The following POM121 variants were observed in gnomAD, a reference collection of about 807,000 sequenced individuals.
The protein encoded by POM121 is POM121 transmembrane nucleoporin, also known as nuclear envelope pore membrane protein POM 121.
POM121 carries 32 observed loss-of-function variants against 81.3 expected under a neutral mutation model. The ratio of observed to expected loss-of-function variants is 0.39; its 90% confidence interval spans 0.30 to 0.53. The LOEUF is 0.53. POM121 is among the 20% of genes least tolerant of loss of function. POM121 has a pLI of 0.66. For synonymous variants in POM121, 514 were observed against 694.2 expected, an observed-to-expected ratio of 0.74 and a Z score of 4.08; for missense variants, 1,138 against 1,614.6, an observed-to-expected ratio of 0.70 and a Z score of 5.06.
At chr7:72,906,875 C>T (rs188597835) in intron 3 of POM121, among the ~76,000 whole-genome samples, 5 of 151,928 alleles carry the variant, frequency 3.3e-5, no homozygotes, top group East Asian at 3.9e-4. Context: ...TGATTCCCCC[C>T]GCCTCGGCCC....
rs782359852 is a variant in POM121 at position 72,930,125 on chromosome 7, T to A, written c.1275+14T>A. The A allele has an allele frequency of 6.9e-5, 109 of 1,589,622 alleles. 2 individuals are homozygous for A. In the South Asian group the frequency reaches 1.1e-3, roughly 17 times the overall value. ...GGCATCTCACAGGTACAAGTACAGCTCTTTTAATGTGGGGGACATGAATTC... is the reference window on the plus strand; with the variant it reads ...GGCATCTCACAGGTACAAGTACAGCACTTTTAATGTGGGGGACATGAATTC... On this transcript the variant is annotated intron_variant, in intron 5 of 12. Coordinates refer to ENST00000434423, the MANE Select transcript of POM121 (RefSeq NM_001387691.1).
chr7:72,949,560 CACAG>C (rs1234358425), downstream of POM121: 3 of 721,690 alleles, frequency 4.2e-6, no homozygotes, highest in South Asian at 1.7e-5. Flanking sequence ...TCACAGCTGA[CACAG>C]ACAACCAGAA....
Position 72,943,023 on chromosome 7 carries a change from A to T in POM121, c.3030A>T (p.Ala1010=), listed in dbSNP as rs1423982581. The change falls in exon 11 of 13, where the codon GCA becomes GCT. Residue 1010 remains alanine (A), a synonymous_variant. Transcript: ENST00000434423. ...SAAPAAAPTP[A]PPSMIKVVPA... is the part of the protein sequence containing the mutation. ...CCCCGGCTGCTGCACCCACACCTGC[A>T]CCTCCGTCCATGATCAAGGTCGTGC... 1.2e-6 allele frequency: 2 copies of T among 1,613,780 alleles called. No homozygotes were observed. The highest frequency in any genetic ancestry group is 2.2e-5 in the East Asian group (1 of 44,848).
intron 3 of POM121, among the ~76,000 whole-genome samples, chr7:72,903,882 A>G (rs1482057650): frequency 6.6e-6 from 1 of 152,190 alleles, no homozygotes; most frequent in Non-Finnish European, 1.5e-5. Context: ...CCCAGGTTCA[A>G]GTGATTCTCT....
At chr7:72,950,569 G>T, downstream of POM121, 1 of 235,760 alleles carries the variant, frequency 4.2e-6, no homozygotes, top group African/African-American at 3.0e-5. Context: ...CTTTACAGGG[G>T]GGTGAGGAGT....
rs1554497645 is a variant in POM121 at position 72,926,931 on chromosome 7, A to C, written c.990A>C (p.Gln330His). The C allele has an allele frequency of 1.2e-6, 2 of 1,613,994 alleles. No individual in the cohort carries two copies. Among genetic ancestry groups the C allele is most frequent in the Non-Finnish European group, 1.7e-6 (2 of 1,179,878 alleles). Reference sequence around the variant, plus strand: ...AAAGGACAGTGGAGGAAGAAGACCAAATATTCCTTGATGGCCAGGAAAATA... The same window carrying C: ...AAAGGACAGTGGAGGAAGAAGACCACATATTCCTTGATGGCCAGGAAAATA... ...EKKRTVEEED[Q>H]IFLDGQENKR... The change falls in exon 3 of 13, where the codon CAA becomes CAC. Residue 330 changes from glutamine (Q) to histidine (H), a missense_variant. By Grantham distance (24) the Gln-to-His change is conservative (BLOSUM62 0). Transcript: ENST00000434423.
chr7:72,917,060 G>A (rs1299278205), intron 4 of POM121, among the ~76,000 whole-genome samples: 2 of 152,216 alleles, frequency 1.3e-5, no homozygotes, highest in African/African-American at 2.4e-5. Context: ...CTGGCATTTA[G>A]ATGATACTTC....
At chr7:72,890,972 G>A (rs1554490817) in exon 3 of POM121, 1 of 1,314,354 alleles carries the variant, frequency 7.6e-7, no homozygotes, top group Admixed American at 1.8e-5. Flanking sequence ...GAGATCTGAA[G>A]CCGAGCAACT....
intron 8 of POM121, 69 bp downstream of exon 8, chr7:72,940,037 C>G: frequency 6.5e-7 from 1 of 1,549,204 alleles, no homozygotes; most frequent in South Asian, 1.2e-5. Context: ...ACGCTAAGGA[C>G]AAGTTTCTTC....
intron 1 of POM121, among the ~76,000 whole-genome samples, chr7:72,886,327 T>C (rs1329501358): frequency 5.3e-5 from 8 of 152,012 alleles, no homozygotes; most frequent in African/African-American, 1.2e-4. Flanking sequence ...ACACCCACCA[T>C]CACGCCCGGC....
At chr7:72,939,115 G>A (rs187147655) in intron 6 of POM121, among the ~76,000 whole-genome samples, 1 of 152,160 alleles carries the variant, frequency 6.6e-6, no homozygotes, top group Non-Finnish European at 1.5e-5. Flanking sequence ...TTATTGTTTT[G>A]TGCTTGTTTT....
chr7:72,946,256 C>T lies in POM121; in HGVS notation c.*22C>T, dbSNP rs781996508. The T allele has an allele frequency of 3.1e-6, 5 of 1,607,890 alleles. No homozygotes were observed. The highest frequency in any genetic ancestry group is 2.7e-5 in the African/African-American group (2 of 74,702). ...GTAGCCTTTGTCCCCTGTCCCTGTT[C>T]CCCCCACCCCTTCCCTAAATCTGGA... is the stretch of plus-strand genomic sequence containing the variant. On this transcript the variant is annotated 3_prime_UTR_variant, in exon 13 of 13. Transcript: ENST00000434423.
chr7:72,927,338 C>T (rs1795560111), intron 3 of POM121, among the ~76,000 whole-genome samples: 1 of 152,130 alleles, frequency 6.6e-6, no homozygotes, highest in Non-Finnish European at 1.5e-5. Flanking sequence ...GTTCCAGTGT[C>T]TTAATTGTGC....
intron 4 of POM121, among the ~76,000 whole-genome samples, chr7:72,917,016 A>T (rs1250747713): frequency 6.6e-6 from 1 of 152,226 alleles, no homozygotes; most frequent in East Asian, 1.9e-4. Flanking sequence ...CTGTCATTGA[A>T]ACATGGACAT....
At chr7:72,916,783 C>G (rs1794328048) in intron 4 of POM121, among the ~76,000 whole-genome samples, 1 of 152,152 alleles carries the variant, frequency 6.6e-6, no homozygotes, top group South Asian at 2.1e-4. Context: ...AATATTGATT[C>G]TTCCTATCTA....
intron 1 of POM121, among the ~76,000 whole-genome samples, chr7:72,888,261 C>T (rs1790931733): frequency 6.6e-6 from 1 of 152,104 alleles, no homozygotes; most frequent in Non-Finnish European, 1.5e-5. Flanking sequence ...TATCTAGTTC[C>T]AGGAAAAAGC....
intron 3 of POM121, among the ~76,000 whole-genome samples, chr7:72,927,648 T>C (rs548816556): frequency 4.6e-5 from 7 of 151,422 alleles, no homozygotes; most frequent in Middle Eastern, 3.4e-3. Flanking sequence ...AGGCGGAGGT[T>C]GCAGTGAGCT....
rs1226580740 is a variant in POM121, at chr7:72,947,987, G to C, written c.*1753G>C. 70 of 1,092,006 alleles carry C rather than the reference G, an allele frequency of 6.4e-5. 1 individual carries two copies. The African/African-American group carries it at 1.1e-3, about 18-fold the overall frequency. 67.6% of individuals were successfully genotyped at this position (1,092,006 alleles called of 1,614,324 possible). A position where few individuals can be genotyped will look rare whatever the true frequency, so the allele number is the denominator to read the frequency against. ...AACCTCAAGCCTAAATACCTGTTAG[G>C]ATTGGAGGGTCTGGGTGGGCCTGGG... On this transcript the variant is annotated 3_prime_UTR_variant, in exon 13 of 13. Transcript: ENST00000434423.
chr7:72,946,476 A>G lies in POM121; in HGVS notation c.*242A>G, dbSNP rs1797701867. 14 of 1,340,452 alleles carry G rather than the reference A, an allele frequency of 1.0e-5. No individual in the cohort carries two copies. The highest frequency in any genetic ancestry group is 1.3e-5 in the Non-Finnish European group (14 of 1,042,432). 83.0% of individuals were successfully genotyped at this position (1,340,452 alleles called of 1,614,324 possible). On this transcript the variant is annotated 3_prime_UTR_variant, in exon 13 of 13. Transcript: ENST00000434423. ...CCGGGACCTCTACTTGAACAGTTCT[A>G]CTGGGGAGGCTGGAGAACTAAGGAA...
Sources: allele counts gnomAD v4.1 joint callset (sites outside exome capture counted in the v4.1 genomes callset), GRCh38; gene constraint gnomAD v4.1.1; transcripts MANE v1.5; gene names NCBI Gene and HGNC (gene_info 2026-07-23, HGNC 2026-07-21).